Variants in SLC36A4 observed in about 807,000 individuals in gnomAD.
SLC36A4 encodes the protein solute carrier family 36 member 4.
A neutral mutation model predicts 50.5 loss-of-function variants in SLC36A4; 49 were observed. The ratio of observed to expected loss-of-function variants is 0.97; its 90% CI spans 0.77 to 1.23. SLC36A4 has a LOEUF of 1.23. Ranked by LOEUF, SLC36A4 falls within the 50% of genes most tolerant of loss-of-function variation. The probability of loss-of-function intolerance (pLI) is 0.00; values close to 1 mark genes in which losing one functional copy is unlikely to be tolerated. For missense variants in SLC36A4, 611 were observed against 608.4 expected (o/e 1.00, Z -0.05); for synonymous variants, 207 against 206.5 (o/e 1.00, Z -0.02).
At chr11:93,157,338 G>C (rs1025447595) in intron 9 of SLC36A4, among the ~76,000 whole-genome samples, 1 of 152,104 alleles carries the variant, frequency 6.6e-6, no homozygotes, top group Admixed American at 6.5e-5. Flanking sequence ...CTCATTTCTG[G>C]TTCCACATGA....
chr11:93,182,857 GAAATAATTCCTAT>G lies in SLC36A4; in HGVS notation c.295_307del (p.Ile99LeufsTer17). 6.2e-7 allele frequency: 1 copy of G among 1,612,828 alleles called. No individual in the cohort carries two copies. Among genetic ancestry groups the G allele is most frequent in the Non-Finnish European group, 8.5e-7 (1 of 1,179,420 alleles). On this transcript the variant is annotated frameshift_variant, in exon 4 of 11. Coordinates refer to ENST00000326402, the MANE Select transcript of SLC36A4 (RefSeq NM_152313.4). LOFTEE classifies it high-confidence loss of function. ...TACCAATATGTGCATACAGTGAACA[GAAATAATTCCTAT>G]AAACACAAGGCTGATTGGTCCAAGC... is the stretch of plus-strand genomic sequence containing the variant.
chr11:93,167,948 A>T lies in SLC36A4; in HGVS notation c.764T>A (p.Val255Asp). 6.3e-7 allele frequency: 1 copy of T among 1,599,400 alleles called. No homozygotes were observed. Among genetic ancestry groups the T allele is most frequent in the Non-Finnish European group, 8.5e-7 (1 of 1,173,960 alleles). Reference sequence around the variant, plus strand: ...TTAAAAACTTTTTATACTTACCCTGACAACATACTGGTAAATTATCACAAG... The same window carrying T: ...TTAAAAACTTTTTATACTTACCCTGTCAACATACTGGTAAATTATCACAAG... ...VSLVIIYQYV[V>D]RNMPDPHNLP... Residue 255 changes from valine to aspartate, a missense_variant, in exon 7 of 11, where the codon GTC becomes GAC. Coordinates refer to ENST00000326402, the MANE Select transcript of SLC36A4 (RefSeq NM_152313.4).
intron 9 of SLC36A4, among the ~76,000 whole-genome samples, chr11:93,161,366 C>T (rs1860610107): frequency 6.6e-6 from 1 of 152,148 alleles, no homozygotes; most frequent in Admixed American, 6.5e-5. Context: ...GTAATAATAA[C>T]TCCACCTTGA....
At chr11:93,196,660 C>T (rs1370543493) in intron 1 of SLC36A4, among the ~76,000 whole-genome samples, 2 of 152,184 alleles carry the variant, frequency 1.3e-5, no homozygotes, top group Non-Finnish European at 2.9e-5. Context: ...TGAGCCACCG[C>T]GCCAGGCCGA....
At chr11:93,172,278 TG>T (rs1417848535) in intron 6 of SLC36A4, among the ~76,000 whole-genome samples, 1 of 152,090 alleles carries the variant, frequency 6.6e-6, no homozygotes, top group African/African-American at 2.4e-5. Flanking sequence ...CATAAATTAT[TG>T]GGGTACAGGT....
At chr11:93,151,404 T>A (rs1195279583) in intron 10 of SLC36A4, among the ~76,000 whole-genome samples, 1 of 151,968 alleles carries the variant, frequency 6.6e-6, no homozygotes, top group Admixed American at 6.6e-5. Context: ...CCTATTTAGG[T>A]CCATTATTTG....
In SLC36A4 at chr11:93,197,864, A is replaced by G. The variant is rs2134723885; in HGVS notation, c.-32T>C. ...CGGGTCTCCAGGACGCCGCCGCCCG[A>G]GTGCTCACTCTCCCGCCGCTGCGTG... On this transcript the variant is annotated 5_prime_UTR_variant, in exon 1 of 11. Coordinates refer to ENST00000326402, the MANE Select transcript of SLC36A4 (RefSeq NM_152313.4). 1 of 1,528,656 alleles carries G rather than the reference A, an allele frequency of 6.5e-7. No homozygotes were observed. The highest frequency in any genetic ancestry group is 1.2e-5 in the South Asian group (1 of 83,442). The allele number at this position is 1,528,656 out of a possible 1,614,324, so 94.7% of individuals were successfully genotyped here. A position where few individuals can be genotyped will look rare whatever the true frequency, so the allele number is the denominator to read the frequency against.
intron 9 of SLC36A4, chr11:93,155,416 C>A (rs1266493855): frequency 1.3e-5 from 2 of 151,990 alleles, no homozygotes; most frequent in Non-Finnish European, 2.9e-5. Flanking sequence ...AAAATGCAAT[C>A]ATTTTAAAAG....
chr11:93,167,643 A>G (rs1211962748), intron 7 of SLC36A4: 1 of 280,894 alleles, frequency 3.6e-6, no homozygotes, highest in African/African-American at 2.2e-5. Context: ...TAAGAACACA[A>G]TCCTAAGTCT....
intron 6 of SLC36A4, among the ~76,000 whole-genome samples, chr11:93,173,237 A>G (rs1861269313): frequency 6.6e-6 from 1 of 150,418 alleles, no homozygotes; most frequent in Non-Finnish European, 1.5e-5. Flanking sequence ...GGCTGCATAA[A>G]TGTCTTCTTT....
At chr11:93,167,680 T>C (rs373318410) in intron 7 of SLC36A4, 5 of 386,574 alleles carry the variant, frequency 1.3e-5, no homozygotes, top group African/African-American at 8.4e-5. Context: ...TAGGCATTAC[T>C]ATCTTCTGAA....
rs1302047546 is a variant in SLC36A4 at position 93,180,891 on chromosome 11, G to A, written c.456-10C>T. The stretch of plus-strand genomic sequence containing the variant: ...AAAGTCAACCACACTCCTGAAAAAA[G>A]ATATCCACAAATGAGTATCCAGGAG... On this transcript the variant is annotated splice_polypyrimidine_tract_variant and intron_variant, in intron 5 of 10. Transcript: ENST00000326402. The A allele has an allele frequency of 3.1e-6, 5 of 1,588,484 alleles. No homozygotes were observed. The highest frequency in any genetic ancestry group is 4.3e-6 in the Non-Finnish European group (5 of 1,157,408).
chr11:93,166,646 G>C (rs1860880958), intron 7 of SLC36A4: 1 of 154,028 alleles, frequency 6.5e-6, no homozygotes. Flanking sequence ...TCCGGACAAA[G>C]TACACATTGG....
At chr11:93,155,984 C>T (rs1373805346) in intron 9 of SLC36A4, among the ~76,000 whole-genome samples, 1 of 152,138 alleles carries the variant, frequency 6.6e-6, no homozygotes, top group African/African-American at 2.4e-5. Context: ...CACTGACAGG[C>T]ATTTAGGTTA....
rs1489411978 is a variant in SLC36A4 at position 93,147,351 on chromosome 11, A to G, written c.*1186T>C. The G allele has an allele frequency of 6.6e-6, 1 of 152,090 alleles. No individual in the cohort carries two copies. The highest frequency in any genetic ancestry group is 6.6e-5 in the Admixed American group (1 of 15,244). The allele number at this position is 152,090 out of a possible 1,614,324, so 9.4% of individuals were successfully genotyped here. On this transcript the variant is annotated 3_prime_UTR_variant, in exon 11 of 11. Transcript: ENST00000326402. ...TAAGAAAAGCCACAGGGCTGGAAAGAGTCCACAAATCCTCCGTTTTCTGAG... is the reference window on the plus strand; with the variant it reads ...TAAGAAAAGCCACAGGGCTGGAAAGGGTCCACAAATCCTCCGTTTTCTGAG...
intron 1 of SLC36A4, among the ~76,000 whole-genome samples, chr11:93,186,634 G>A (rs898837306): frequency 3.9e-5 from 6 of 151,900 alleles, no homozygotes; most frequent in African/African-American, 1.5e-4. Context: ...CTGTTCCTTA[G>A]TTTCTCATGT....
intron 5 of SLC36A4, 110 bp downstream of exon 5, chr11:93,181,581 G>A (rs1861735090): frequency 4.8e-6 from 4 of 834,358 alleles, no homozygotes; most frequent in Non-Finnish European, 6.6e-6. Flanking sequence ...GGTTACATAT[G>A]TTTATTCCCC....
rs12221889 is a variant in SLC36A4 at position 93,147,113 on chromosome 11, G to A, written c.*1424C>T. The A allele has an allele frequency of 0.18, 26,829 of 152,088 alleles. 2,829 individuals are homozygous for A. The highest frequency in any genetic ancestry group is 0.42 in the East Asian group (2,139 of 5,140). The allele number at this position is 152,088 out of a possible 1,614,324, so 9.4% of individuals were successfully genotyped here. The stretch of plus-strand genomic sequence containing the variant: ...CTGCTTCAGCCTCCTCAGTAGCTGG[G>A]ACTACAGGTACACGCCACATCAGGC... On this transcript the variant is annotated 3_prime_UTR_variant, in exon 11 of 11. Transcript: ENST00000326402.
Position 93,147,453 on chromosome 11 carries a change from G to C in SLC36A4, c.*1084C>G. ...GAAGGTAATAATTAAAAAAGCTCAA[G>C]CCACAAATAGTATAGCTAGACACAC... On this transcript the variant is annotated 3_prime_UTR_variant, in exon 11 of 11. Coordinates refer to ENST00000326402, the MANE Select transcript of SLC36A4 (RefSeq NM_152313.4). 1 of 152,048 alleles carries C rather than the reference G, an allele frequency of 6.6e-6. No homozygotes were observed. The highest frequency in any genetic ancestry group is 1.9e-4 in the East Asian group (1 of 5,164). The allele number at this position is 152,048 out of a possible 1,614,324, so 9.4% of individuals were successfully genotyped here. A position where few individuals can be genotyped will look rare whatever the true frequency, so the allele number is the denominator to read the frequency against.
Sources: gnomAD v4.1 joint callset for allele counts (sites outside exome capture counted in the v4.1 genomes callset) on GRCh38, gnomAD v4.1.1 for gene constraint, MANE v1.5 for transcripts, NCBI Gene and HGNC (gene_info 2026-07-23, HGNC 2026-07-21) for gene names.